Variants in TTN observed in about 807,000 individuals in gnomAD.
TTN encodes connectin.
A neutral mutation model predicts 3,223.0 loss-of-function variants in TTN; 1,525 were observed. The observed-to-expected ratio is 0.47, with a 90% CI of 0.45 to 0.49. TTN has a LOEUF of 0.49. Among genes scored for constraint, TTN ranks in the 20% least tolerant of loss-of-function variants. The probability of loss-of-function intolerance (pLI) is 0.00; values close to 1 mark genes in which losing one functional copy is unlikely to be tolerated. For synonymous variants in TTN, 14,094 were observed against 15,161.0 expected, an observed-to-expected ratio of 0.93 and a Z score of 5.17; for missense variants, 40,786 against 43,424.0, an observed-to-expected ratio of 0.94 and a Z score of 5.40.
chr2:178,579,655 A>C lies in TTN; in HGVS notation c.67542T>G (p.Thr22514=), dbSNP rs72646876. Residue 22514 remains threonine, a synonymous_variant, in exon 319 of 363, where the codon ACT becomes ACG. Transcript: ENST00000589042. ...CTCTGAAGGTATATTCCTTCCCTTCAGTCAAATCTTTTGCAGAGTACTGTA... is the reference window on the plus strand; with the variant it reads ...CTCTGAAGGTATATTCCTTCCCTTCCGTCAAATCTTTTGCAGAGTACTGTA... ...LSLQYSAKDL[T]EGKEYTFRVS... is the part of the protein sequence containing the mutation. 3.3e-4 allele frequency: 536 copies of C among 1,613,340 alleles called. 18 individuals are homozygous for C. The East Asian group carries it at 6.9e-3, about 21-fold the overall frequency.
rs1698880293 is a variant in TTN, at chr2:178,550,353, TA to T, written c.91565-81del. 5.0e-6 allele frequency: 6 copies of T among 1,193,392 alleles called. No individual in the cohort carries two copies. In the South Asian group the frequency reaches 9.5e-5, roughly 19 times the overall value. 73.9% of individuals were successfully genotyped at this position (1,193,392 alleles called of 1,614,324 possible). A position where few individuals can be genotyped will look rare whatever the true frequency, so the allele number is the denominator to read the frequency against. Reference sequence around the variant, plus strand: ...AAATATATATTTTTCAGTAGTGCCATATCACAAGGCCAGGAAGAGTAGTGAC... The same window carrying T: ...AAATATATATTTTTCAGTAGTGCCATTCACAAGGCCAGGAAGAGTAGTGAC... On this transcript the variant is annotated intron_variant, in intron 336 of 362. Coordinates refer to ENST00000589042, the MANE Select transcript of TTN (RefSeq NM_001267550.2).
intron 243 of TTN, 68 bp from the exon 244 acceptor site, chr2:178,622,076 C>G: frequency 6.9e-7 from 1 of 1,443,246 alleles, no homozygotes; most frequent in Non-Finnish European, 9.3e-7. Flanking sequence ...TTAAGAAAAA[C>G]TATGATCCTG....
chr2:178,582,418 G>A lies in TTN; in HGVS notation c.66038C>T (p.Thr22013Ile), dbSNP rs2047988324. 3 of 1,612,798 alleles carry A rather than the reference G, an allele frequency of 1.9e-6. No homozygotes were observed. Among genetic ancestry groups the A allele is most frequent in the Non-Finnish European group, 2.5e-6 (3 of 1,179,346 alleles). ...TATAAGTTTCTCCACGCTGCAGCTG[G>A]TGATAGGCACAGTTGCAGAGACTTG... ...WAQVSATVPI[T>I]SCSVEKLIEG... is the part of the protein sequence containing the mutation. The change falls in exon 314 of 363, where the codon ACC becomes ATC. Residue 22013 changes from threonine (T) to isoleucine (I), a missense_variant. Transcript: ENST00000589042.
chr2:178,747,224 AG>A, intron 47 of TTN: 4 of 1,611,450 alleles, frequency 2.5e-6, no homozygotes, highest in Non-Finnish European at 3.4e-6. Context: ...GTATCTCTCT[AG>A]TGTCTCCCCT....
chr2:178,547,698 C>A lies in TTN; in HGVS notation c.93928G>T (p.Gly31310Cys). The change falls in exon 339 of 363, where the codon GGT becomes TGT. Residue 31310 changes from glycine (G) to cysteine (C), a missense_variant. Gly to Cys is a radical substitution (Grantham distance 159). Coordinates refer to ENST00000589042, the MANE Select transcript of TTN (RefSeq NM_001267550.2). Reference sequence around the variant, plus strand: ...ACCTCAATGGGGCCGGTTACTGGACCTGGCCTTCCAATGACCACAACTGTG... The same window carrying A: ...ACCTCAATGGGGCCGGTTACTGGACATGGCCTTCCAATGACCACAACTGTG... ...SVTVVVIGRP[G>C]PVTGPIEVSS... The A allele has an allele frequency of 6.2e-7, 1 of 1,613,944 alleles. No individual in the cohort carries two copies. Among genetic ancestry groups the A allele is most frequent in the Non-Finnish European group, 8.5e-7 (1 of 1,179,842 alleles).
At position 178,592,212 on chromosome 2, in the gene TTN, A is replaced by G. The variant is rs1415408093; in HGVS notation, c.59692T>C (p.Trp19898Arg). Reference sequence around the variant, plus strand: ...CCACCATCATCCAGTGGTTCTTTCCAAGTAAGGTAACATGAATCTTTCCTA... The same window carrying G: ...CCACCATCATCCAGTGGTTCTTTCCGAGTAAGGTAACATGAATCTTTCCTA... ...EIRKDSCYLTWKEPLDDGGSV... is the reference protein window; with the variant it reads ...EIRKDSCYLTRKEPLDDGGSV... The change falls in exon 302 of 363, where the codon TGG (tryptophan) becomes CGG (arginine). Residue 19898 changes from tryptophan (W) to arginine (R), a missense_variant. Trp to Arg is a moderately radical substitution (Grantham distance 101, BLOSUM62 -3). Coordinates refer to ENST00000589042, the MANE Select transcript of TTN (RefSeq NM_001267550.2). 1 of 1,611,830 alleles carries G rather than the reference A, an allele frequency of 6.2e-7. No homozygotes were observed. The highest frequency in any genetic ancestry group is 1.3e-5 in the African/African-American group (1 of 74,884).
chr2:178,649,629 G>A lies in TTN; in HGVS notation c.39898C>T (p.Pro13300Ser). The A allele has an allele frequency of 6.4e-7, 1 of 1,550,526 alleles. No individual in the cohort carries two copies. The highest frequency in any genetic ancestry group is 8.7e-7 in the Non-Finnish European group (1 of 1,146,598). Residue 13300 changes from proline (P) to serine (S), a missense_variant and splice_region_variant, in exon 212 of 363, where the codon CCT becomes TCT. Physicochemically the swap from Pro to Ser is moderately conservative, Grantham distance 74. Coordinates refer to ENST00000589042, the MANE Select transcript of TTN (RefSeq NM_001267550.2). The stretch of plus-strand genomic sequence containing the variant: ...GGAACAACTTTCTTTGGCATCTCAG[G>A]TTCTTTAAAGATATCAGTAGCATTT... ...KKPEAPPPKEPEMPKKVVPVK... is the reference protein window; with the variant it reads ...KKPEAPPPKESEMPKKVVPVK...
chr2:178,618,127 T>C (rs757835294), intron 252 of TTN, 46 bp from the exon 253 acceptor site: 17 of 1,610,118 alleles, frequency 1.1e-5, no homozygotes, highest in Admixed American at 8.4e-5. Flanking sequence ...GGGGTAACGA[T>C]GATGAAGGCA....
chr2:178,718,847 A>G lies in TTN; in HGVS notation c.24353T>C (p.Leu8118Pro), dbSNP rs780410071. Residue 8118 changes from leucine (L) to proline (P), a missense_variant, in exon 84 of 363, where the codon CTG (leucine) becomes CCG (proline). Coordinates refer to ENST00000589042, the MANE Select transcript of TTN (RefSeq NM_001267550.2). ...KVKWFKGSRE[L>P]VPGESCNISL... ...GATGTTGCATGACTCCCCAGGCACC[A>G]GTTCCCTGCTGCCTTTAAACCACTT... 7.4e-6 allele frequency: 12 copies of G among 1,613,754 alleles called. No individual in the cohort carries two copies. Among genetic ancestry groups the G allele is most frequent in the Non-Finnish European group, 1.0e-5 (12 of 1,179,744 alleles).
chr2:178,600,065 G>A (rs1298213782), intron 288 of TTN, among the ~76,000 whole-genome samples: 1 of 151,882 alleles, frequency 6.6e-6, no homozygotes, highest in East Asian at 1.9e-4. Flanking sequence ...ATGTGGCTAT[G>A]TATCTGTGCT....
rs371043153 is a variant in TTN at position 178,599,795 on chromosome 2, A to C, written c.56106T>G (p.Val18702=). 11 of 1,610,060 alleles carry C rather than the reference A, an allele frequency of 6.8e-6. No individual in the cohort carries two copies. The highest frequency in any genetic ancestry group is 2.7e-5 in the African/African-American group (2 of 74,652). ...CACCTTTAATTTTGGCCACAATGTT[A>C]ACATTGGTTCCTTCTTCAACCTCCA... ...EFMEVEEGTN[V]NIVAKIKGVP... The change falls in exon 289 of 363, where the codon GTT becomes GTG. Residue 18702 remains valine (V), a synonymous_variant. Transcript: ENST00000589042.
Position 178,581,802 on chromosome 2 carries a change from G to A in TTN, c.66466C>T (p.Pro22156Ser). ...TTAGGGAAAGCCGGTGGGCCAGGAG[G>A]ATCTGAGAATAAATAATGATAGGAA... ...KAAYARDPQY[P>S]PGPPAFPKVY... The change falls in exon 316 of 363, where the codon CCT (proline) becomes TCT (serine). Residue 22156 changes from proline to serine, a missense_variant and splice_region_variant. Coordinates refer to ENST00000589042, the MANE Select transcript of TTN (RefSeq NM_001267550.2). 6.3e-7 allele frequency: 1 copy of A among 1,594,472 alleles called. No homozygotes were observed. The highest frequency in any genetic ancestry group is 1.1e-5 in the South Asian group (1 of 88,074).
Position 178,667,716 on chromosome 2 carries a change from C to T in TTN, c.35551G>A (p.Glu11851Lys), listed in dbSNP as rs759207486. The change falls in exon 160 of 363, where the codon GAA becomes AAA. Residue 11851 changes from glutamate (E) to lysine (K), a missense_variant. Transcript: ENST00000589042. ...ISEDTEMYIY[E>K]ASEEAVLEEK... is the part of the protein sequence containing the mutation. ...TCTAGGACTGCTTCTTCAGATGCTTCATAAACTTTAAAGATATTAGTATTT... is the reference window on the plus strand; with the variant it reads ...TCTAGGACTGCTTCTTCAGATGCTTTATAAACTTTAAAGATATTAGTATTT... 1.6e-5 allele frequency: 25 copies of T among 1,585,736 alleles called. No homozygotes were observed. The highest frequency in any genetic ancestry group is 2.0e-5 in the Non-Finnish European group (24 of 1,171,634).
At position 178,543,531 on chromosome 2, in the gene TTN, C is replaced by T. The variant is rs1177332829; in HGVS notation, c.96442G>A (p.Ala32148Thr). 2 of 1,613,144 alleles carry T rather than the reference C, an allele frequency of 1.2e-6. No individual in the cohort carries two copies. The highest frequency in any genetic ancestry group is 1.7e-5 in the Admixed American group (1 of 59,992). ...GTTACTGTTTTGAATGCTCTCATAG[C>T]AGCTTCACGCTTCTCAACGATGTAA... The part of the protein sequence containing the change: ...NNYIVEKREA[A>T]MRAFKTVTTK... The change falls in exon 347 of 363, where the codon GCT becomes ACT. Residue 32148 changes from alanine to threonine, a missense_variant. Transcript: ENST00000589042.
At chr2:178,626,534 T>C (rs1340538722) in intron 240 of TTN, among the ~76,000 whole-genome samples, 1 of 152,010 alleles carries the variant, frequency 6.6e-6, no homozygotes, top group Non-Finnish European at 1.5e-5. Flanking sequence ...CTATTTGTTA[T>C]GCTAGTGTAA....
chr2:178,610,526 G>T, intron 270 of TTN, 137 bp from the exon 271 acceptor site: 1 of 922,214 alleles, frequency 1.1e-6, no homozygotes, highest in Non-Finnish European at 1.6e-6. Context: ...ACACTGCAGA[G>T]CATTTAGCAT....
intron 273 of TTN, 36 bp downstream of exon 273, chr2:178,609,172 C>T: frequency 1.4e-6 from 2 of 1,455,756 alleles, no homozygotes; most frequent in Non-Finnish European, 1.8e-6. Flanking sequence ...TTACTAAAAC[C>T]TTTTTCCATT....
rs572199607 is a variant in TTN, at chr2:178,786,848, G to T, written c.2077-707C>A. On this transcript the variant is annotated intron_variant, in intron 13 of 362. Coordinates refer to ENST00000589042, the MANE Select transcript of TTN (RefSeq NM_001267550.2). Reference sequence around the variant, plus strand: ...CAAGAGAACAACCTTTCACATTGAAGTTTAATTTACTTTCATTATTATGGA... The same window carrying T: ...CAAGAGAACAACCTTTCACATTGAATTTTAATTTACTTTCATTATTATGGA... Among the ~76,000 whole-genome samples, 6 of 152,214 alleles carry T rather than the reference G, an allele frequency of 3.9e-5. No homozygotes were observed. In the East Asian group the frequency reaches 1.2e-3, roughly 29 times the overall value.
chr2:178,684,031 TTGA>T lies in TTN; in HGVS notation c.32771_32773del (p.Leu10924_Lys10925delinsGln), dbSNP rs1560357863. The T allele has an allele frequency of 6.2e-7, 1 of 1,612,056 alleles. No homozygotes were observed. Among genetic ancestry groups the T allele is most frequent in the Non-Finnish European group, 8.5e-7 (1 of 1,179,006 alleles). Reference sequence around the variant, plus strand: ...TGGTGGTTCCTCCTCTCTTTTAGGTTTGAGTTTCAGAACTTTTTCTTCTGGGAC... The same window carrying T: ...TGGTGGTTCCTCCTCTCTTTTAGGTTGTTTCAGAACTTTTTCTTCTGGGAC... On this transcript the variant is annotated inframe_deletion, in exon 133 of 363. Transcript: ENST00000589042.
Sources: allele counts gnomAD v4.1 joint callset (sites outside exome capture counted in the v4.1 genomes callset), GRCh38; gene constraint gnomAD v4.1.1; transcripts MANE v1.5; gene names NCBI Gene and HGNC (gene_info 2026-07-23, HGNC 2026-07-21).